MAD1L1: variants seen among roughly 807,000 people sequenced by gnomAD.
The protein encoded by MAD1L1 is mitotic arrest deficient 1 like 1.
Under a neutral mutation model 96.9 loss-of-function variants are expected in MAD1L1, and 95 were observed. That is an observed-to-expected ratio of 0.98 (90% CI 0.83 to 1.16). MAD1L1 has a LOEUF of 1.16. Ranked by LOEUF, MAD1L1 falls within the 50% of genes most tolerant of loss-of-function variation. The pLI, the probability that MAD1L1 is intolerant of heterozygous loss-of-function variation, is 0.00. For missense variants in MAD1L1, 1,007 were observed against 954.4 expected, an observed-to-expected ratio of 1.06 and a Z score of -0.73; for synonymous variants, 473 against 396.6, an observed-to-expected ratio of 1.19 and a Z score of -2.29.
intron 3 of MAD1L1, among the ~76,000 whole-genome samples, chr7:2,228,725 G>A (rs2115026376): frequency 6.8e-6 from 1 of 147,994 alleles, no homozygotes; most frequent in Admixed American, 6.8e-5. Context: ...AGGGCAGTGA[G>A]CAAGCTAGCA....
intron 10 of MAD1L1, among the ~76,000 whole-genome samples, chr7:2,173,805 T>C (rs1165353773): frequency 6.6e-6 from 1 of 152,134 alleles, no homozygotes; most frequent in Admixed American, 6.5e-5. Flanking sequence ...TTGAGGGAGA[T>C]AATTTGTTTT....
chr7:2,030,545 G>A (rs147491409), intron 12 of MAD1L1, among the ~76,000 whole-genome samples: 336 of 152,336 alleles, frequency 2.2e-3, no homozygotes, highest in South Asian at 7.5e-3. Flanking sequence ...TTGATGTGCA[G>A]AGGCCCCTGG....
At chr7:2,026,697 G>T in intron 12 of MAD1L1, among the ~76,000 whole-genome samples, 1 of 152,080 alleles carries the variant, frequency 6.6e-6, no homozygotes, top group Non-Finnish European at 1.5e-5. Flanking sequence ...ATAGCCCATT[G>T]GTCAAAATAA....
chr7:2,189,774 A>T (rs1351968214), intron 10 of MAD1L1, among the ~76,000 whole-genome samples: 1 of 152,234 alleles, frequency 6.6e-6, no homozygotes. Flanking sequence ...TACACTTAAA[A>T]ACAGTTAACA....
chr7:1,887,989 ATG>A (rs1281118502), intron 18 of MAD1L1, among the ~76,000 whole-genome samples: 13 of 83,948 alleles, frequency 1.5e-4, no homozygotes, highest in African/African-American at 4.1e-4. Flanking sequence ...GTGTGCATGC[ATG>A]TGTGTATATG....
chr7:1,976,625 T>C (rs1029960328), intron 15 of MAD1L1, among the ~76,000 whole-genome samples: 7 of 152,212 alleles, frequency 4.6e-5, no homozygotes, highest in African/African-American at 1.4e-4. Flanking sequence ...GGGTTGCCGC[T>C]GCTAGCTCTG....
chr7:1,830,005 G>C (rs1263073277), intron 18 of MAD1L1, among the ~76,000 whole-genome samples: 1 of 152,324 alleles, frequency 6.6e-6, no homozygotes, highest in South Asian at 2.1e-4. Context: ...TTCTTCAGGT[G>C]TGCAAGAGCT....
At chr7:2,228,835 G>A (rs1443163242) in intron 3 of MAD1L1, among the ~76,000 whole-genome samples, 1 of 151,716 alleles carries the variant, frequency 6.6e-6, no homozygotes, top group Admixed American at 6.6e-5. Flanking sequence ...CTGACTCCCG[G>A]GTTCACACCA....
intron 18 of MAD1L1, among the ~76,000 whole-genome samples, chr7:1,817,860 T>A (rs1021542142): frequency 1.3e-5 from 2 of 152,008 alleles, no homozygotes; most frequent in Non-Finnish European, 2.9e-5. Flanking sequence ...ATGCCTGGGC[T>A]GGGCCCCGCC....
At chr7:2,160,991 T>C (rs963719492) in intron 10 of MAD1L1, among the ~76,000 whole-genome samples, 3 of 152,048 alleles carry the variant, frequency 2.0e-5, no homozygotes, top group African/African-American at 7.2e-5. Context: ...AATTCTATCA[T>C]TCCTAACTGA....
intron 16 of MAD1L1, among the ~76,000 whole-genome samples, chr7:1,942,363 G>A (rs911698010): frequency 3.9e-5 from 6 of 152,250 alleles, no homozygotes; most frequent in Admixed American, 1.3e-4. Flanking sequence ...GGGGGCGACA[G>A]CCAAACTTCC....
intron 17 of MAD1L1, among the ~76,000 whole-genome samples, chr7:1,916,090 C>T (rs1220923463): frequency 6.6e-6 from 1 of 151,750 alleles, no homozygotes; most frequent in Non-Finnish European, 1.5e-5. Context: ...GTGCAGGCAT[C>T]CCCACACACT....
chr7:2,155,808 G>A (rs1017593404), intron 10 of MAD1L1, among the ~76,000 whole-genome samples: 3 of 152,154 alleles, frequency 2.0e-5, no homozygotes, highest in African/African-American at 7.2e-5. Context: ...TAATGATCTC[G>A]GGTGGATACG....
intron 11 of MAD1L1, among the ~76,000 whole-genome samples, chr7:2,120,711 A>G (rs191782724): frequency 6.6e-5 from 10 of 152,354 alleles, no homozygotes; most frequent in African/African-American, 2.2e-4. Flanking sequence ...TATCACTTCG[A>G]GAGAGACTTG....
chr7:1,858,189 G>A (rs1270431756), intron 18 of MAD1L1, among the ~76,000 whole-genome samples: 1 of 152,188 alleles, frequency 6.6e-6, no homozygotes, highest in Non-Finnish European at 1.5e-5. Context: ...TCACTGGCGC[G>A]CCCGTCGGTG....
At chr7:2,179,827 T>C (rs1181697540) in intron 10 of MAD1L1, among the ~76,000 whole-genome samples, 1 of 151,604 alleles carries the variant, frequency 6.6e-6, no homozygotes, top group African/African-American at 2.4e-5. Context: ...AAAAATTAGC[T>C]GGGCGTGGTG....
intron 18 of MAD1L1, among the ~76,000 whole-genome samples, chr7:1,880,203 C>G (rs1200205219): frequency 6.6e-6 from 1 of 152,234 alleles, no homozygotes; most frequent in Non-Finnish European, 1.5e-5. Flanking sequence ...CAGCACCCCT[C>G]AAACCTGGGC....
At position 2,103,385 on chromosome 7, in the gene MAD1L1, G is replaced by C. The variant is rs532129979; in HGVS notation, c.1074-34047C>G. 6.6e-6 allele frequency among the ~76,000 whole-genome samples: 1 copy of C among 152,284 alleles called. No individual in the cohort carries two copies. Among genetic ancestry groups the C allele is most frequent in the South Asian group, 2.1e-4 (1 of 4,824 alleles). ...CTCAGTAGACGGCACATGGGACATC[G>C]CCATGCCTAGTGATGACGTTTCTGT... On this transcript the variant is annotated intron_variant, in intron 11 of 18. Transcript: ENST00000265854. The surrounding 1 kb of genome is among the most constrained non-coding windows in gnomAD (Gnocchi z 4.3).
At chr7:1,845,027 C>T (rs1419396834) in intron 18 of MAD1L1, among the ~76,000 whole-genome samples, 1 of 152,218 alleles carries the variant, frequency 6.6e-6, no homozygotes, top group Non-Finnish European at 1.5e-5. Context: ...TCACAGTGGG[C>T]ACAGGGTCTG....
Sources: allele counts gnomAD v4.1 joint callset (sites outside exome capture counted in the v4.1 genomes callset), GRCh38; gene constraint gnomAD v4.1.1; non-coding constraint Gnocchi (gnomAD v3.1); transcripts MANE v1.5; gene names NCBI Gene and HGNC (gene_info 2026-07-23, HGNC 2026-07-21).